CA10: variants seen among roughly 807,000 people sequenced by gnomAD.
CA10 encodes the protein carbonic anhydrase 10 (inactive), also known as carbonic anhydrase-related protein 10.
Under a neutral mutation model 44.2 loss-of-function variants are expected in CA10, and 14 were observed. That is an observed-to-expected ratio of 0.32 (90% confidence interval 0.21 to 0.50). The LOEUF is 0.50. Ranked by LOEUF, CA10 falls within the 20% of genes least tolerant of loss-of-function variation. The pLI is 0.99. For missense variants in CA10, 350 were observed against 409.7 expected, an observed-to-expected ratio of 0.85 and a Z score of 1.26; for synonymous variants, 159 against 141.6, an observed-to-expected ratio of 1.12 and a Z score of -0.87.
chr17:52,055,360 AAAC>A (rs1376200006), intron 2 of CA10, among the ~76,000 whole-genome samples: 29 of 151,978 alleles, frequency 1.9e-4, no homozygotes, highest in African/African-American at 6.7e-4. Flanking sequence ...AAAAAAAAAA[AAAC>A]AAAGCAAAAC....
intron 1 of CA10, among the ~76,000 whole-genome samples, chr17:52,089,188 G>C (rs1280884776): frequency 6.6e-6 from 1 of 152,170 alleles, no homozygotes; most frequent in Non-Finnish European, 1.5e-5. Flanking sequence ...GAAGATTACA[G>C]AAGTGTGCAA....
chr17:52,030,137 G>T (rs1986421036), intron 2 of CA10, among the ~76,000 whole-genome samples: 1 of 152,194 alleles, frequency 6.6e-6, no homozygotes, highest in Non-Finnish European at 1.5e-5. Flanking sequence ...AATCCTGGCT[G>T]CCCCTGATGA....
At position 51,873,036 on chromosome 17, in the gene CA10, G is replaced by C. The variant is rs567600862; in HGVS notation, c.279+57954C>G. Among the ~76,000 whole-genome samples, 64 of 152,324 alleles carry C rather than the reference G, an allele frequency of 4.2e-4. 1 individual carries two copies. The highest frequency in any genetic ancestry group is 7.8e-4 in the Non-Finnish European group (53 of 68,026). ...CTGTCAAGAGTTCAATGTGCTGTAG[G>C]AGAAGAAGAGAAGTGCTGGAGTTTA... On this transcript the variant is annotated intron_variant, in intron 3 of 8. Transcript: ENST00000451037.
intron 3 of CA10, chr17:51,761,224 A>C (rs1033812711): frequency 6.6e-6 from 1 of 152,180 alleles, no homozygotes; most frequent in African/African-American, 2.4e-5. Context: ...CAAAACAGAC[A>C]GATAGCCCTC....
rs148661545 is a variant in CA10 at position 51,665,152 on chromosome 17, C to T, written c.466-11416G>A. ...TTCTCTCCTCTCATAAATGAAGCTGCGCAGCGATTTGGATAAACTGTTCAC... is the reference window on the plus strand; with the variant it reads ...TTCTCTCCTCTCATAAATGAAGCTGTGCAGCGATTTGGATAAACTGTTCAC... On this transcript the variant is annotated intron_variant, in intron 4 of 8. Transcript: ENST00000451037. Among the ~76,000 whole-genome samples the T allele has an allele frequency of 1.3e-3, 196 of 152,236 alleles. 1 individual carries two copies. Among genetic ancestry groups the T allele is most frequent in the African/African-American group, 4.5e-3 (188 of 41,534 alleles).
intron 3 of CA10, among the ~76,000 whole-genome samples, chr17:51,867,382 G>A (rs998143237): frequency 6.6e-6 from 1 of 152,194 alleles, no homozygotes; most frequent in Admixed American, 6.5e-5. Flanking sequence ...AGAGTGTAAT[G>A]GTTAAGAGCA....
rs1338712710 is a variant in CA10, at chr17:52,071,684, C to T, written c.136+635G>A. Among the ~76,000 whole-genome samples, 5 of 152,208 alleles carry T rather than the reference C, an allele frequency of 3.3e-5. No homozygotes were observed. In the East Asian group the frequency reaches 9.7e-4, roughly 29 times the overall value. ...CCTTCCCTTCTATCCTTGCCTTTTG[C>T]TTGCTTTTTCTCTTGCCTCGCTTTA... is the stretch of plus-strand genomic sequence containing the variant. On this transcript the variant is annotated intron_variant, in intron 2 of 8. Transcript: ENST00000451037.
chr17:52,034,796 G>A (rs1334338491), intron 2 of CA10, among the ~76,000 whole-genome samples: 5 of 152,124 alleles, frequency 3.3e-5, no homozygotes, highest in African/African-American at 1.2e-4. Flanking sequence ...AATAAGTGAT[G>A]GTGAAATAAA....
intron 3 of CA10, among the ~76,000 whole-genome samples, chr17:51,839,954 T>C (rs897169586): frequency 6.6e-6 from 1 of 152,184 alleles, no homozygotes; most frequent in African/African-American, 2.4e-5. Context: ...TCCTTACACT[T>C]ACGCTAGAAA....
At chr17:51,999,870 G>A (rs551074675) in intron 2 of CA10, among the ~76,000 whole-genome samples, 9 of 152,032 alleles carry the variant, frequency 5.9e-5, no homozygotes, top group South Asian at 2.1e-4. Context: ...CCACAATTGC[G>A]TAACATCCAA....
chr17:52,023,087 T>C (rs1986192650), intron 2 of CA10, among the ~76,000 whole-genome samples: 1 of 152,134 alleles, frequency 6.6e-6, no homozygotes, highest in African/African-American at 2.4e-5. Flanking sequence ...ATGTCTTTTT[T>C]CACAGAATTG....
intron 2 of CA10, among the ~76,000 whole-genome samples, chr17:52,058,264 A>G (rs1987284268): frequency 6.6e-6 from 1 of 152,182 alleles, no homozygotes. Flanking sequence ...TAAATAGCCT[A>G]AAGCAAAATT....
intron 3 of CA10, among the ~76,000 whole-genome samples, chr17:51,874,883 G>A (rs1317549905): frequency 9.2e-5 from 14 of 152,182 alleles, no homozygotes; most frequent in South Asian, 6.2e-4. Flanking sequence ...ATGTCTCCAC[G>A]CTTACCCTTG....
intron 1 of CA10, among the ~76,000 whole-genome samples, chr17:52,126,183 T>A (rs1340839215): frequency 6.6e-6 from 1 of 152,188 alleles, no homozygotes; most frequent in African/African-American, 2.4e-5. Context: ...GTTAAAGCTC[T>A]CTGAAACTAA....
At chr17:52,075,868 T>C (rs1337216141) in intron 1 of CA10, among the ~76,000 whole-genome samples, 1 of 152,192 alleles carries the variant, frequency 6.6e-6, no homozygotes, top group African/African-American at 2.4e-5. Context: ...TTTCCCCATC[T>C]ATCTGAATTG....
intron 1 of CA10, among the ~76,000 whole-genome samples, chr17:52,145,190 A>C (rs1003579973): frequency 6.6e-6 from 1 of 152,184 alleles, no homozygotes; most frequent in African/African-American, 2.4e-5. Flanking sequence ...CCATATAGAA[A>C]GTCATTTTCC....
intron 1 of CA10, among the ~76,000 whole-genome samples, chr17:52,141,249 G>T (rs897562718): frequency 2.0e-5 from 3 of 152,182 alleles, no homozygotes; most frequent in Admixed American, 6.5e-5. Flanking sequence ...ATGCAAACCA[G>T]CACAAACTGA....
intron 4 of CA10, among the ~76,000 whole-genome samples, chr17:51,654,540 TA>T (rs1449498855): frequency 6.7e-5 from 10 of 149,690 alleles, no homozygotes; most frequent in Admixed American, 6.2e-4. Context: ...AGTTTTTTCT[TA>T]ACAGTATGGA....
At position 51,822,160 on chromosome 17, in the gene CA10, A is replaced by G. The variant is rs572507198; in HGVS notation, c.280-74342T>C. Among the ~76,000 whole-genome samples the G allele has an allele frequency of 5.9e-5, 9 of 152,174 alleles. No homozygotes were observed. The South Asian group carries it at 1.7e-3, about 28-fold the overall frequency. On this transcript the variant is annotated intron_variant, in intron 3 of 8. Transcript: ENST00000451037. ...CATCCTTGGCCAGGTGTGGTGGCTC[A>G]CACCTGTAATCCAAGCAGTTTGGGA... is the stretch of plus-strand genomic sequence containing the variant.
Sources: allele counts gnomAD v4.1 joint callset (sites outside exome capture counted in the v4.1 genomes callset), GRCh38; gene constraint gnomAD v4.1.1; transcripts MANE v1.5; gene names NCBI Gene and HGNC (gene_info 2026-07-23, HGNC 2026-07-21).